The following CDCA5 variants were observed in gnomAD, a reference collection of about 807,000 sequenced individuals.
The protein encoded by CDCA5 is cell division cycle associated 5.
In CDCA5, 14 loss-of-function variants were observed where a neutral mutation model predicts 25.7. The observed-to-expected ratio is 0.54, with a 90% confidence interval of 0.36 to 0.85. The LOEUF (loss-of-function observed/expected upper bound fraction) is 0.85. Among genes scored for constraint, CDCA5 ranks in the 40% least tolerant of loss-of-function variants. CDCA5 has a pLI of 0.01. For missense variants in CDCA5, 307 were observed against 324.5 expected, an observed-to-expected ratio of 0.95 and a Z score of 0.41; for synonymous variants, 127 against 128.7, an observed-to-expected ratio of 0.99 and a Z score of 0.09.
chr11:65,067,951 T>C, intron 3 of CDCA5: 1 of 1,042,814 alleles, frequency 9.6e-7, no homozygotes, highest in Admixed American at 2.3e-5. Context: ...ACCATCCACC[T>C]CCCCCAGTTT....
At chr11:65,065,697 C>T (rs911811067), downstream of CDCA5, among the ~76,000 whole-genome samples, 2 of 152,132 alleles carry the variant, frequency 1.3e-5, no homozygotes, top group African/African-American at 2.4e-5. Flanking sequence ...TGACTATATA[C>T]GTGTCAGTTT....
intron 4 of CDCA5, 80 bp from the exon 5 acceptor site, chr11:65,079,867 G>T: frequency 8.6e-7 from 1 of 1,169,036 alleles, no homozygotes; most frequent in Non-Finnish European, 1.1e-6. Flanking sequence ...AAGATTCAGG[G>T]TGGAAAGACC....
chr11:65,063,524 G>A (rs1033700566), downstream of CDCA5, among the ~76,000 whole-genome samples: 2 of 152,220 alleles, frequency 1.3e-5, no homozygotes, highest in African/African-American at 4.8e-5. Context: ...CCATGTTACA[G>A]ATGAAGATGT....
In CDCA5 at chr11:65,066,455, C is replaced by CT. The variant is rs1233166728; in HGVS notation, c.581dup (p.Ala195GlyfsTer9). 1 of 1,283,372 alleles carries CT rather than the reference C, an allele frequency of 7.8e-7. No individual in the cohort carries two copies. Among genetic ancestry groups the CT allele is most frequent in the South Asian group, 1.2e-5 (1 of 80,572 alleles). 79.5% of individuals were successfully genotyped at this position (1,283,372 alleles called of 1,614,324 possible). ...CAGGCAGCTTGAAGAGGAGACCTGC[C>CT]TTCCGGGGGTTTGGGTCACTGCAGG... On this transcript the variant is annotated frameshift_variant, in exon 7 of 7. Transcript: ENST00000525464. LOFTEE classifies it low-confidence loss of function (END_TRUNC).
chr11:65,066,877 A>G (rs1350983043), exon 5 of CDCA5: 2 of 1,289,264 alleles, frequency 1.6e-6, no homozygotes, highest in Admixed American at 4.6e-5. Context: ...TGACTCCCGA[A>G]GCCTAGGGTT....
At chr11:65,083,041 A>T (rs564966) in intron 4 of CDCA5, among the ~76,000 whole-genome samples, 70,123 of 152,040 alleles carry the variant, frequency 0.46, 19,869 homozygotes, top group Non-Finnish European at 0.63. Flanking sequence ...TAAAAATGTC[A>T]TACACATGAC....
chr11:65,074,823 A>G (rs892613831), downstream of CDCA5, among the ~76,000 whole-genome samples: 2 of 148,924 alleles, frequency 1.3e-5, no homozygotes, highest in Admixed American at 1.3e-4. Context: ...GCACTTTAGG[A>G]GGCCAAGGAG....
At chr11:65,079,223 A>C (rs1454462813) in intron 5 of CDCA5, 36 bp from the exon 6 acceptor site, 1 of 1,553,004 alleles carries the variant, frequency 6.4e-7, no homozygotes, top group South Asian at 1.2e-5. Context: ...GTGAGTGAGA[A>C]GGGAACATGG....
chr11:65,068,626 T>TC (rs2137069209), intron 1 of CDCA5: 1 of 1,242,606 alleles, frequency 8.0e-7, no homozygotes, highest in Non-Finnish European at 1.1e-6. Flanking sequence ...AGCCTGCTAG[T>TC]CACTCACATC....
chr11:65,064,846 C>T (rs904994660), downstream of CDCA5, among the ~76,000 whole-genome samples: 6 of 152,112 alleles, frequency 3.9e-5, no homozygotes, highest in African/African-American at 1.4e-4. Flanking sequence ...TATAGCAAGA[C>T]CCTGTCTCTA....
chr11:65,066,879 C>A, exon 5 of CDCA5: 1 of 1,289,306 alleles, frequency 7.8e-7, no homozygotes, highest in Non-Finnish European at 1.0e-6. Context: ...ACTCCCGAAG[C>A]CTAGGGTTGA....
At position 65,071,348 on chromosome 11, in the gene CDCA5, C is replaced by CT. The variant is rs763489252; in HGVS notation, c.64-2748dup. On this transcript the variant is annotated intron_variant, in intron 1 of 6. Coordinates refer to the CDCA5 transcript ENST00000525464. ...TCTCTGATTTGGGAAACAGTTATTC[C>CT]TTTTTTTTTTTTTTCCTGGGGACAG... is the stretch of plus-strand genomic sequence containing the variant. Among the ~76,000 whole-genome samples, 412 of 137,516 alleles carry CT rather than the reference C, an allele frequency of 3.0e-3. 4 individuals are homozygous for CT. The highest frequency in any genetic ancestry group is 7.8e-3 in the Middle Eastern group (2 of 256). 90.2% of individuals were successfully genotyped at this position (137,516 alleles called of 152,430 possible). A position where few individuals can be genotyped will look rare whatever the true frequency, so the allele number is the denominator to read the frequency against.
downstream of CDCA5, among the ~76,000 whole-genome samples, chr11:65,072,947 T>A (rs1348538285): frequency 6.8e-6 from 1 of 146,348 alleles, no homozygotes; most frequent in Non-Finnish European, 1.5e-5. Flanking sequence ...TCTTTTTTTT[T>A]TTTTTTTTTT....
In CDCA5 at chr11:65,077,705, T is replaced by C. The variant is rs574177269; in HGVS notation, c.*1402A>G. The C allele has an allele frequency of 2.4e-5, 24 of 985,420 alleles. No homozygotes were observed. The highest frequency in any genetic ancestry group is 2.7e-5 in the Non-Finnish European group (22 of 829,992). 61.0% of individuals were successfully genotyped at this position (985,420 alleles called of 1,614,324 possible). On this transcript the variant is annotated 3_prime_UTR_variant, in exon 6 of 6. Transcript: ENST00000275517. ...TAGGCTTCCCCAGCAGGGGGCTTGC[T>C]TGCAGGTCTGACAAACCACAGAGCG...
chr11:65,070,066 C>T (rs189520759), intron 1 of CDCA5, among the ~76,000 whole-genome samples: 1 of 152,190 alleles, frequency 6.6e-6, no homozygotes, highest in African/African-American at 2.4e-5. Flanking sequence ...CAAACAAGGA[C>T]GCAGGGGAGA....
At chr11:65,063,218 A>T (rs1183745443), downstream of CDCA5, among the ~76,000 whole-genome samples, 1 of 152,198 alleles carries the variant, frequency 6.6e-6, no homozygotes, top group Non-Finnish European at 1.5e-5. Flanking sequence ...CAAGATGGGG[A>T]TGGGATCTAA....
intron 3 of CDCA5, chr11:65,067,991 A>ACTCTCTCT: frequency 2.7e-6 from 3 of 1,130,704 alleles, no homozygotes; most frequent in Non-Finnish European, 3.5e-6. Flanking sequence ...CTGCATGGGC[A>ACTCTCTCT]CTCTCTCTCT....
chr11:65,078,525 AG>A lies in CDCA5; in HGVS notation c.*581del, dbSNP rs1354733198. ...ACATCCTTCAAAACTCAGACTCCAC[AG>A]GCTGAATGTCCAGCTTCTTCCTCCA... On this transcript the variant is annotated 3_prime_UTR_variant, in exon 6 of 6. Transcript: ENST00000275517. 7.1e-5 allele frequency: 70 copies of A among 985,522 alleles called. No individual in the cohort carries two copies. The highest frequency in any genetic ancestry group is 8.2e-5 in the Non-Finnish European group (68 of 830,066). 61.0% of individuals were successfully genotyped at this position (985,522 alleles called of 1,614,324 possible). A position where few individuals can be genotyped will look rare whatever the true frequency, so the allele number is the denominator to read the frequency against.
chr11:65,070,285 A>G (rs1427185628), intron 1 of CDCA5, among the ~76,000 whole-genome samples: 1 of 152,148 alleles, frequency 6.6e-6, no homozygotes, highest in Non-Finnish European at 1.5e-5. Flanking sequence ...GAAGAGAGGC[A>G]AGCCACCAAC....
Sources: allele counts gnomAD v4.1 joint callset (sites outside exome capture counted in the v4.1 genomes callset), GRCh38; gene constraint gnomAD v4.1.1; transcripts MANE v1.5; gene names NCBI Gene and HGNC (gene_info 2026-07-23, HGNC 2026-07-21).